PHF3: variants seen among roughly 807,000 people sequenced by gnomAD.
The protein encoded by PHF3 is PHD finger protein 3.
A neutral mutation model predicts 178.4 loss-of-function variants in PHF3; 41 were observed. The observed-to-expected ratio is 0.23, with a 90% CI of 0.18 to 0.30. PHF3 has a LOEUF of 0.30. Among genes scored for constraint, PHF3 ranks in the 10% least tolerant of loss-of-function variants. The pLI is 1.00. For missense variants in PHF3, 2,346 were observed against 2,398.1 expected (o/e 0.98, Z 0.45); for synonymous variants, 842 against 800.5 (o/e 1.05, Z -0.88).
chr6:63,691,016 T>C (rs1766976188), intron 4 of PHF3, among the ~76,000 whole-genome samples: 1 of 152,194 alleles, frequency 6.6e-6, no homozygotes, highest in Non-Finnish European at 1.5e-5. Context: ...AATATTTTTA[T>C]GTTAAGATAG....
chr6:63,699,277 G>C (rs569703097), intron 8 of PHF3, among the ~76,000 whole-genome samples: 1 of 152,160 alleles, frequency 6.6e-6, no homozygotes, highest in African/African-American at 2.4e-5. Flanking sequence ...ACATTTTAAA[G>C]GTTCAGAACA....
chr6:63,682,338 G>A (rs900186301), intron 3 of PHF3, among the ~76,000 whole-genome samples: 1 of 152,070 alleles, frequency 6.6e-6, no homozygotes, highest in African/African-American at 2.4e-5. Context: ...GGTGTTAATG[G>A]TGTTAGTTTT....
intron 1 of PHF3, among the ~76,000 whole-genome samples, chr6:63,643,116 G>C (rs183816715): frequency 1.3e-5 from 2 of 150,484 alleles, no homozygotes; most frequent in African/African-American, 4.9e-5. Flanking sequence ...GATTTTACCG[G>C]TTTTTTTTTG....
At position 63,723,792 on chromosome 6, in the gene PHF3, AT is replaced by A. The variant is rs1768503619; in HGVS notation, c.*10086del. On this transcript the variant is annotated 3_prime_UTR_variant, in exon 16 of 16. Coordinates refer to ENST00000262043, the MANE Select transcript of PHF3 (RefSeq NM_001370348.2). ...TGGGTCATAAGTACACATTGGCATT[AT>A]TATTATTATTATTATTATTATTATT... Among the ~76,000 whole-genome samples the A allele has an allele frequency of 1.1e-4, 1 of 9,152 alleles. No individual in the cohort carries two copies. The highest frequency in any genetic ancestry group is 3.8e-4 in the Non-Finnish European group (1 of 2,650). The allele number at this position is 9,152 out of a possible 152,430, so 6.0% of individuals were successfully genotyped here.
At chr6:63,657,797 C>T (rs1279015677) in intron 2 of PHF3, among the ~76,000 whole-genome samples, 1 of 152,166 alleles carries the variant, frequency 6.6e-6, no homozygotes, top group Non-Finnish European at 1.5e-5. Flanking sequence ...TTATTTTGAT[C>T]TTTCTCATAG....
chr6:63,662,397 C>G (rs1765507463), intron 2 of PHF3, among the ~76,000 whole-genome samples: 1 of 152,158 alleles, frequency 6.6e-6, no homozygotes, highest in Admixed American at 6.5e-5. Context: ...GAGTAAAATT[C>G]ATCAATTTTA....
chr6:63,669,776 C>G (rs1211474114), intron 2 of PHF3, among the ~76,000 whole-genome samples: 3 of 152,180 alleles, frequency 2.0e-5, no homozygotes, highest in Non-Finnish European at 4.4e-5. Context: ...TGGAAGATAA[C>G]AGGAAGCATT....
Position 63,685,560 on chromosome 6 carries a change from C to T in PHF3, c.1838C>T (p.Pro613Leu). ...HPGCLKEPHHPAQTGHVSHSS... is the reference protein window; with the variant it reads ...HPGCLKEPHHLAQTGHVSHSS... ...GGTTGCTTGAAAGAACCTCATCATC[C>T]TGCACAAACTGGACATGTATCACAT... The change falls in exon 4 of 16, where the codon CCT becomes CTT. Residue 613 changes from proline to leucine, a missense_variant. Around this residue, in one of 8 missense-constraint regions of PHF3, gnomAD observed 843 missense variants for 795.2 expected, o/e 1.06. Coordinates refer to ENST00000262043, the MANE Select transcript of PHF3 (RefSeq NM_001370348.2). 5.0e-6 allele frequency: 8 copies of T among 1,614,066 alleles called. No homozygotes were observed. Among genetic ancestry groups the T allele is most frequent in the Non-Finnish European group, 6.8e-6 (8 of 1,179,986 alleles).
chr6:63,711,216 C>T lies in PHF3; in HGVS notation c.3851C>T (p.Ser1284Phe), dbSNP rs775834478. 1 of 1,610,920 alleles carries T rather than the reference C, an allele frequency of 6.2e-7. No homozygotes were observed. The highest frequency in any genetic ancestry group is 1.3e-5 in the African/African-American group (1 of 74,742). Residue 1284 changes from serine (S) to phenylalanine (F), a missense_variant, in exon 15 of 16, where the codon TCT (serine) becomes TTT (phenylalanine). By Grantham distance (155) the Ser-to-Phe change is radical. This residue lies in a region of PHF3 where 90 missense variants were observed against 136.6 expected (regional missense o/e 0.66). Coordinates refer to ENST00000262043, the MANE Select transcript of PHF3 (RefSeq NM_001370348.2). ...CCAGTAACTGAAGAAGATCAAATTT[C>T]TTATACTTTGCTCTTTGCATACTTC... The part of the protein sequence containing the change: ...FTPVTEEDQI[S>F]YTLLFAYFSS...
chr6:63,676,259 A>G (rs2149573970), intron 2 of PHF3, among the ~76,000 whole-genome samples: 1 of 152,288 alleles, frequency 6.6e-6, no homozygotes, highest in Middle Eastern at 3.4e-3. Flanking sequence ...GGTTCTGGGG[A>G]TTCAGCCACA....
intron 4 of PHF3, among the ~76,000 whole-genome samples, chr6:63,689,932 G>C: frequency 6.6e-6 from 1 of 152,114 alleles, no homozygotes. Flanking sequence ...GAAATCATTA[G>C]CTTTCCTTCA....
intron 2 of PHF3, among the ~76,000 whole-genome samples, chr6:63,666,185 T>C (rs1226774476): frequency 6.6e-6 from 1 of 152,200 alleles, no homozygotes; most frequent in African/African-American, 2.4e-5. Context: ...AATTTAGAGG[T>C]AGTACCTTTT....
At chr6:63,691,620 G>A (rs1767002159) in intron 4 of PHF3, 117 bp from the exon 5 acceptor site, 2 of 862,456 alleles carry the variant, frequency 2.3e-6, no homozygotes, top group Non-Finnish European at 3.7e-6. Context: ...GGATAGAGAT[G>A]GAAAACATGC....
At chr6:63,697,660 A>C (rs765251379) in intron 6 of PHF3, among the ~76,000 whole-genome samples, 4 of 152,192 alleles carry the variant, frequency 2.6e-5, no homozygotes, top group Non-Finnish European at 2.9e-5. Flanking sequence ...TAATGGTATT[A>C]GACTGTCTAA....
chr6:63,692,094 G>A (rs1767032511), intron 5 of PHF3, 51 bp downstream of exon 5: 7 of 1,231,672 alleles, frequency 5.7e-6, no homozygotes, highest in Non-Finnish European at 3.4e-6. Flanking sequence ...CTTTTTGTAT[G>A]GACTGACTGC....
Position 63,688,855 on chromosome 6 carries a change from G to T in PHF3, c.2190-2882G>T, listed in dbSNP as rs1187805951. ...TTTGATTTCATGCACTAGATACATT[G>T]AAAGCTGTTTGTTAATATGACACAT... is the stretch of plus-strand genomic sequence containing the variant. On this transcript the variant is annotated intron_variant, in intron 4 of 15. Transcript: ENST00000262043. Among the ~76,000 whole-genome samples, 3 of 152,188 alleles carry T rather than the reference G, an allele frequency of 2.0e-5. No individual in the cohort carries two copies. The South Asian group carries it at 6.2e-4, about 32-fold the overall frequency.
rs1561995048 is a variant in PHF3, at chr6:63,723,076, TAAAG to T, written c.*9372_*9375del. On this transcript the variant is annotated 3_prime_UTR_variant, in exon 16 of 16. Coordinates refer to ENST00000262043, the MANE Select transcript of PHF3 (RefSeq NM_001370348.2). ...AAATAGATGCTAAATAATTATTAAA[TAAAG>T]AAATACGTTTGTAGGGTTGTGGGTT... 4.6e-5 allele frequency among the ~76,000 whole-genome samples: 7 copies of T among 152,228 alleles called. No homozygotes were observed. The South Asian group carries it at 1.4e-3, about 32-fold the overall frequency.
At chr6:63,686,093 A>G in intron 4 of PHF3, 182 bp downstream of exon 4, 6 of 567,522 alleles carry the variant, frequency 1.1e-5, no homozygotes, top group South Asian at 9.9e-5. Flanking sequence ...ATTTACAAAT[A>G]TATCATCCTA....
Position 63,717,876 on chromosome 6 carries a change from A to G in PHF3, c.*4168A>G, listed in dbSNP as rs1768236399. Among the ~76,000 whole-genome samples, 1 of 152,022 alleles carries G rather than the reference A, an allele frequency of 6.6e-6. No homozygotes were observed. The highest frequency in any genetic ancestry group is 1.5e-5 in the Non-Finnish European group (1 of 67,944). On this transcript the variant is annotated 3_prime_UTR_variant, in exon 16 of 16. Transcript: ENST00000262043. ...ATTTATAAGGAGACCAAAAAGGTAA[A>G]TATTACTGCACCTTATTTTTAAAAA...
Sources: gnomAD v4.1 joint callset for allele counts (sites outside exome capture counted in the v4.1 genomes callset) on GRCh38, gnomAD v4.1.1 for gene constraint, gnomAD v4.1.1 regional missense constraint, MANE v1.5 for transcripts, NCBI Gene and HGNC (gene_info 2026-07-23, HGNC 2026-07-21) for gene names.